IFT172: variants seen among roughly 807,000 people sequenced by gnomAD.
IFT172 encodes intraflagellar transport 172.
Under a neutral mutation model 248.9 loss-of-function variants are expected in IFT172, and 164 were observed. That is an observed-to-expected ratio of 0.66 (90% CI 0.58 to 0.75). The LOEUF is 0.75. IFT172 is among the 30% of genes least tolerant of loss of function. The probability of loss-of-function intolerance (pLI) is 0.00; values close to 1 mark genes in which losing one functional copy is unlikely to be tolerated. For synonymous variants in IFT172, 729 were observed against 791.6 expected (o/e 0.92, Z 1.33); for missense variants, 1,950 against 2,192.4 (o/e 0.89, Z 2.21).
At chr2:27,483,780 C>T (rs1668555693) in intron 5 of IFT172, 92 bp downstream of exon 5, 2 of 1,449,520 alleles carry the variant, frequency 1.4e-6, no homozygotes, top group Admixed American at 1.7e-5. Flanking sequence ...CAGTACGCAA[C>T]TTGATCCTAA....
At chr2:27,459,871 ATGGGCCTCAGG>A (rs1446935160) in intron 23 of IFT172, 42 bp from the exon 24 acceptor site, 1 of 1,603,182 alleles carries the variant, frequency 6.2e-7, no homozygotes. Context: ...ATTTCCAGGG[ATGGGCCTCAGG>A]AAAAAGGTAG....
chr2:27,453,185 G>A, intron 35 of IFT172, 199 bp downstream of exon 35: 1 of 755,118 alleles, frequency 1.3e-6, no homozygotes. Flanking sequence ...ACTTTTGGCT[G>A]TCAGGGCTCT....
chr2:27,455,058 T>C (rs777824750), intron 30 of IFT172: 1 of 285,542 alleles, frequency 3.5e-6, no homozygotes. Flanking sequence ...CTCCAAAAAA[T>C]GAGCAAGACC....
At chr2:27,484,138 A>G (rs1668579897) in intron 4 of IFT172, 89 bp downstream of exon 4, 2 of 1,558,312 alleles carry the variant, frequency 1.3e-6, no homozygotes, top group Non-Finnish European at 1.8e-6. Context: ...TTCAGATGTT[A>G]GAAATGCAAC....
At chr2:27,452,922 G>C (rs981798204) in intron 35 of IFT172, among the ~76,000 whole-genome samples, 5 of 152,162 alleles carry the variant, frequency 3.3e-5, no homozygotes, top group African/African-American at 1.2e-4. Context: ...TTTGCTGGAA[G>C]CTTCTTTTCA....
At position 27,465,510 on chromosome 2, in the gene IFT172, G is replaced by A; in HGVS notation, c.1838C>T (p.Ala613Val). The change falls in exon 18 of 48, where the codon GCC (alanine) becomes GTC (valine). Residue 613 changes from alanine (A) to valine (V), a missense_variant. Ala to Val is a moderately conservative substitution (Grantham distance 64). Transcript: ENST00000260570. ...GGTCATTTCCAGAGTCTCTAAGAAGGCTGTTGCCCTGGAAAGGGAAGGAAG... is the reference window on the plus strand; with the variant it reads ...GGTCATTTCCAGAGTCTCTAAGAAGACTGTTGCCCTGGAAAGGGAAGGAAG... ...IDDGNYIRATAFLETLEMTPE... is the reference protein window; with the variant it reads ...IDDGNYIRATVFLETLEMTPE... The A allele has an allele frequency of 6.2e-7, 1 of 1,614,094 alleles. No homozygotes were observed. Among genetic ancestry groups the A allele is most frequent in the South Asian group, 1.1e-5 (1 of 91,064 alleles).
chr2:27,485,426 C>T lies in IFT172; in HGVS notation c.117G>A (p.Val39=), dbSNP rs775988600. The T allele has an allele frequency of 3.1e-6, 5 of 1,614,024 alleles. No individual in the cohort carries two copies. Among genetic ancestry groups the T allele is most frequent in the African/African-American group, 2.7e-5 (2 of 74,916 alleles). The change falls in exon 2 of 48, where the codon GTG becomes GTA. Residue 39 remains valine, a synonymous_variant. Transcript: ENST00000260570. ...AKFAVCTVDR[V]VLLYDEHGER... ...CTCCATGTTCATCATACAGCAAGAC[C>T]ACTCGGTCCACTGTGCAGACAGCAA...
intron 1 of IFT172, among the ~76,000 whole-genome samples, chr2:27,488,457 A>G (rs1029785240): frequency 5.3e-5 from 8 of 151,770 alleles, no homozygotes; most frequent in African/African-American, 1.9e-4. Context: ...CCTGGTCAAA[A>G]TTTTTTTGTA....
chr2:27,461,505 G>A lies in IFT172; in HGVS notation c.2206C>T (p.Leu736=). 6.2e-7 allele frequency: 1 copy of A among 1,614,018 alleles called. No individual in the cohort carries two copies. Among genetic ancestry groups the A allele is most frequent in the South Asian group, 1.1e-5 (1 of 91,086 alleles). ...TAGTAACTACGACGTAGCTTCTCCA[G>A]GGCTGGGTGCCCCTGGACATGCACA... is the stretch of plus-strand genomic sequence containing the variant. ...AVAEAKGHPA[L]EKLRRSYYQW... is the part of the protein sequence containing the mutation. The change falls in exon 22 of 48, where the codon CTG becomes TTG. Residue 736 remains leucine (L), a synonymous_variant. Coordinates refer to ENST00000260570, the MANE Select transcript of IFT172 (RefSeq NM_015662.3).
At position 27,480,007 on chromosome 2, in the gene IFT172, G is replaced by C. The variant is rs1272369227; in HGVS notation, c.909+19C>G. ...TTGGTGAAAGTCACCAATCCAGAAA[G>C]GGATTACTAGTAACACACCACACAG... On this transcript the variant is annotated intron_variant, in intron 9 of 47. Coordinates refer to ENST00000260570, the MANE Select transcript of IFT172 (RefSeq NM_015662.3). 6.2e-7 allele frequency: 1 copy of C among 1,605,640 alleles called. No individual in the cohort carries two copies. Among genetic ancestry groups the C allele is most frequent in the South Asian group, 1.1e-5 (1 of 90,290 alleles).
intron 16 of IFT172, among the ~76,000 whole-genome samples, chr2:27,469,471 A>G (rs1392350167): frequency 1.3e-5 from 2 of 152,370 alleles, no homozygotes; most frequent in East Asian, 1.9e-4. Context: ...AGGGAAGATT[A>G]GCATTGCAAG....
At position 27,489,624 on chromosome 2, in the gene IFT172, C is replaced by T; in HGVS notation, c.30G>A (p.Leu10=). Residue 10 remains leucine, a synonymous_variant, in exon 1 of 48, where the codon CTG becomes CTA. Coordinates refer to ENST00000260570, the MANE Select transcript of IFT172 (RefSeq NM_015662.3). ...GCACGCAATTCCTCACCTGAGGGCT[C>T]AGCAGGGTCCTCAGGTGCTTCAAGT... The part of the protein sequence containing the change: MHLKHLRTL[L]SPQDGAAKVT... 1 of 1,612,770 alleles carries T rather than the reference C, an allele frequency of 6.2e-7. No individual in the cohort carries two copies. Among genetic ancestry groups the T allele is most frequent in the Non-Finnish European group, 8.5e-7 (1 of 1,178,934 alleles).
chr2:27,489,587 G>C, intron 1 of IFT172, 28 bp downstream of exon 1: 1 of 1,587,974 alleles, frequency 6.3e-7, no homozygotes, highest in Non-Finnish European at 8.6e-7. Context: ...AAAGCATAAG[G>C]GGGAGGGACT....
rs1007940265 is a variant in IFT172 at position 27,471,203 on chromosome 2, G to A, written c.1525-108C>T. ...ATGTGGTGAGCTAACCCACCACTCAGGTTCATGCTGCATTTCAAAGCTTAC... is the reference window on the plus strand; with the variant it reads ...ATGTGGTGAGCTAACCCACCACTCAAGTTCATGCTGCATTTCAAAGCTTAC... On this transcript the variant is annotated intron_variant, in intron 15 of 47. Coordinates refer to ENST00000260570, the MANE Select transcript of IFT172 (RefSeq NM_015662.3). 2.2e-5 allele frequency: 23 copies of A among 1,038,290 alleles called. No homozygotes were observed. The African/African-American group carries it at 3.6e-4, about 16-fold the overall frequency. The allele number at this position is 1,038,290 out of a possible 1,614,324, so 64.3% of individuals were successfully genotyped here.
chr2:27,459,296 T>C, intron 25 of IFT172, 82 bp downstream of exon 25: 2 of 1,530,030 alleles, frequency 1.3e-6, no homozygotes, highest in Non-Finnish European at 1.8e-6. Flanking sequence ...CTGGTGAACT[T>C]GCCTCCACTT....
At chr2:27,467,806 T>G (rs1291599103) in intron 16 of IFT172, among the ~76,000 whole-genome samples, 2 of 151,400 alleles carry the variant, frequency 1.3e-5, no homozygotes, top group Non-Finnish European at 2.9e-5. Flanking sequence ...CTTCCAAGAG[T>G]GATGAAAATA....
At chr2:27,477,905 T>C (rs1489389368) in intron 11 of IFT172, 90 bp downstream of exon 11, 3 of 1,509,112 alleles carry the variant, frequency 2.0e-6, no homozygotes, top group Non-Finnish European at 1.8e-6. Context: ...GAACTTCTCA[T>C]GGAGAGCTTA....
intron 18 of IFT172, 84 bp downstream of exon 18, chr2:27,465,327 G>A (rs1020384981): frequency 3.0e-5 from 34 of 1,132,798 alleles, no homozygotes; most frequent in Admixed American, 1.4e-4. Context: ...CCTTAACACC[G>A]GATTGGAGTA....
intron 41 of IFT172, 76 bp downstream of exon 41, chr2:27,447,736 C>G: frequency 6.2e-7 from 1 of 1,605,290 alleles, no homozygotes; most frequent in Admixed American, 1.7e-5. Flanking sequence ...TAAAATACAT[C>G]TGAGAATAAA....
Sources: allele counts gnomAD v4.1 joint callset (sites outside exome capture counted in the v4.1 genomes callset), GRCh38; gene constraint gnomAD v4.1.1; transcripts MANE v1.5; gene names NCBI Gene and HGNC (gene_info 2026-07-23, HGNC 2026-07-21).